The following ZC3HAV1 variants were observed in gnomAD, a reference collection of about 807,000 sequenced individuals.
The protein encoded by ZC3HAV1 is zinc finger CCCH-type containing, antiviral 1.
ZC3HAV1 carries 41 observed loss-of-function variants against 86.6 expected under a neutral mutation model. That is an observed-to-expected ratio of 0.47 (90% CI 0.37 to 0.61). The LOEUF is 0.61. ZC3HAV1 is among the 20% of genes least tolerant of loss of function. The probability of loss-of-function intolerance (pLI) is 0.00; values close to 1 mark genes in which losing one functional copy is unlikely to be tolerated. For synonymous variants in ZC3HAV1, 421 were observed against 432.1 expected (o/e 0.97, Z 0.32); for missense variants, 964 against 1,141.1 (o/e 0.84, Z 2.24).
intron 12 of ZC3HAV1, among the ~76,000 whole-genome samples, chr7:139,048,140 G>C (rs189022776): frequency 3.3e-5 from 5 of 152,144 alleles, no homozygotes; most frequent in Admixed American, 2.0e-4. Flanking sequence ...TGTCACAGTG[G>C]CCCAATTCAT....
At chr7:139,106,631 A>T (rs893456414) in intron 1 of ZC3HAV1, among the ~76,000 whole-genome samples, 14 of 152,152 alleles carry the variant, frequency 9.2e-5, no homozygotes, top group African/African-American at 3.4e-4. Context: ...ATCTTTTTTT[A>T]AAAGGATTAT....
chr7:139,061,921 G>A (rs1291538298), intron 8 of ZC3HAV1, among the ~76,000 whole-genome samples: 5 of 152,120 alleles, frequency 3.3e-5, no homozygotes, highest in African/African-American at 4.8e-5. Context: ...ATGCAACAAC[G>A]CGGTTGAGTC....
intron 7 of ZC3HAV1, among the ~76,000 whole-genome samples, chr7:139,071,662 C>A (rs573663975): frequency 2.1e-4 from 32 of 152,070 alleles, no homozygotes; most frequent in Non-Finnish European, 3.7e-4. Context: ...TTCACACACA[C>A]GGGAGTTTCA....
intron 1 of ZC3HAV1, among the ~76,000 whole-genome samples, chr7:139,094,280 A>G (rs1394238905): frequency 5.3e-5 from 8 of 152,140 alleles, no homozygotes; most frequent in African/African-American, 1.9e-4. Flanking sequence ...TACTTGGAGT[A>G]TAGGCAGCTC....
intron 1 of ZC3HAV1, among the ~76,000 whole-genome samples, chr7:139,093,887 G>T (rs544014403): frequency 5.9e-5 from 9 of 151,690 alleles, no homozygotes; most frequent in Non-Finnish European, 1.3e-4. Flanking sequence ...TCATGTGTAG[G>T]TTTCAGGTGG....
chr7:139,047,437 G>T lies in ZC3HAV1; in HGVS notation c.*157C>A, dbSNP rs1314691772. 2.9e-5 allele frequency: 28 copies of T among 978,108 alleles called. No individual in the cohort carries two copies. The highest frequency in any genetic ancestry group is 3.6e-5 in the Non-Finnish European group (24 of 671,200). 60.6% of individuals were successfully genotyped at this position (978,108 alleles called of 1,614,324 possible). On this transcript the variant is annotated 3_prime_UTR_variant, in exon 13 of 13. Coordinates refer to ENST00000242351, the MANE Select transcript of ZC3HAV1 (RefSeq NM_020119.4). Reference sequence around the variant, plus strand: ...ATCAGAATTTGTTTAAAACCTCCCAGATGATTCTAATATGTAGCAAAATTT... The same window carrying T: ...ATCAGAATTTGTTTAAAACCTCCCATATGATTCTAATATGTAGCAAAATTT...
At chr7:139,095,881 AT>A (rs1164428217) in intron 1 of ZC3HAV1, among the ~76,000 whole-genome samples, 1 of 152,176 alleles carries the variant, frequency 6.6e-6, no homozygotes, top group Non-Finnish European at 1.5e-5. Context: ...GGGCATCAGT[AT>A]TTTTTAAAGA....
chr7:139,055,207 T>C lies in ZC3HAV1; in HGVS notation c.2185A>G (p.Lys729Glu), dbSNP rs1816248419. ...DFCFLSSKKYKLSEIHHLHPE... is the reference protein window; with the variant it reads ...DFCFLSSKKYELSEIHHLHPE... ...ACCAAACATGTAAAACCAAGTACCTTATATTTCTTTGAGGATAGGAAGCAA... is the reference window on the plus strand; with the variant it reads ...ACCAAACATGTAAAACCAAGTACCTCATATTTCTTTGAGGATAGGAAGCAA... Residue 729 changes from lysine (K) to glutamate (E), a missense_variant and splice_region_variant, in exon 10 of 13, where the codon AAG becomes GAG. Physicochemically the swap from Lys to Glu is moderately conservative, Grantham distance 56. Coordinates refer to ENST00000242351, the MANE Select transcript of ZC3HAV1 (RefSeq NM_020119.4). 6.2e-7 allele frequency: 1 copy of C among 1,612,502 alleles called. No homozygotes were observed. The highest frequency in any genetic ancestry group is 8.5e-7 in the Non-Finnish European group (1 of 1,178,998).
chr7:139,092,072 G>A (rs1476734837), intron 1 of ZC3HAV1, among the ~76,000 whole-genome samples: 1 of 152,174 alleles, frequency 6.6e-6, no homozygotes, highest in Non-Finnish European at 1.5e-5. Context: ...AGGCAAAAAA[G>A]TTAAAAGGAT....
intron 3 of ZC3HAV1, among the ~76,000 whole-genome samples, chr7:139,081,452 A>G (rs1817126283): frequency 1.3e-5 from 2 of 152,204 alleles, no homozygotes; most frequent in African/African-American, 2.4e-5. Flanking sequence ...CTCATTCACA[A>G]TAAGTTTACA....
At chr7:139,076,157 A>G (rs564455775) in intron 6 of ZC3HAV1, 129 bp downstream of exon 6, 7 of 1,430,932 alleles carry the variant, frequency 4.9e-6, no homozygotes, top group African/African-American at 4.3e-5. Context: ...TTTTATCTCA[A>G]GAGGTATTTC....
chr7:139,098,919 G>C (rs1817679092), intron 1 of ZC3HAV1, among the ~76,000 whole-genome samples: 1 of 152,092 alleles, frequency 6.6e-6, no homozygotes, highest in Admixed American at 6.6e-5. Flanking sequence ...TACCTGGTTT[G>C]GAAGTAAATA....
intron 9 of ZC3HAV1, among the ~76,000 whole-genome samples, chr7:139,055,597 T>C (rs978457104): frequency 6.6e-6 from 1 of 152,352 alleles, no homozygotes; most frequent in East Asian, 1.9e-4. Context: ...TCCTAATGTG[T>C]TAGCATTAAG....
At chr7:139,090,332 C>A (rs1457010834) in intron 1 of ZC3HAV1, among the ~76,000 whole-genome samples, 1 of 152,170 alleles carries the variant, frequency 6.6e-6, no homozygotes, top group African/African-American at 2.4e-5. Flanking sequence ...TTCTTTGATC[C>A]TCCCTCCTTG....
At chr7:139,097,419 TATATATATA>T (rs1481979182) in intron 1 of ZC3HAV1, among the ~76,000 whole-genome samples, 1 of 83,132 alleles carries the variant, frequency 1.2e-5, no homozygotes, top group African/African-American at 6.0e-5. Flanking sequence ...TATATATATA[TATATATATA>T]TTTTTTTTTT....
chr7:139,079,134 G>A, intron 4 of ZC3HAV1: 1 of 1,536,176 alleles, frequency 6.5e-7, no homozygotes, highest in South Asian at 1.2e-5. Flanking sequence ...TTCCTTGTGA[G>A]CTCGCTGGCA....
chr7:139,099,919 AT>A, intron 1 of ZC3HAV1, among the ~76,000 whole-genome samples: 1 of 151,706 alleles, frequency 6.6e-6, no homozygotes, highest in Non-Finnish European at 1.5e-5. Context: ...AGAACAAAAA[AT>A]AAATAAATAA....
intron 9 of ZC3HAV1, chr7:139,060,751 C>T (rs1166380850): frequency 1.1e-5 from 14 of 1,252,890 alleles, no homozygotes; most frequent in Non-Finnish European, 1.4e-5. Flanking sequence ...TGTACTGCAT[C>T]AATCCAGCTC....
rs140539997 is a variant in ZC3HAV1, at chr7:139,079,791, C to T, written c.1150G>A (p.Ala384Thr). 4.3e-5 allele frequency: 69 copies of T among 1,613,962 alleles called. No individual in the cohort carries two copies. The highest frequency in any genetic ancestry group is 3.2e-4 in the African/African-American group (24 of 74,886). ...KTVFSPTLPA[A>T]RSSLGSLQTP... Reference sequence around the variant, plus strand: ...TGCAGAGAGCCAAGAGAAGAGCGGGCGGCAGGTAGCGTGGGAGAAAACACA... The same window carrying T: ...TGCAGAGAGCCAAGAGAAGAGCGGGTGGCAGGTAGCGTGGGAGAAAACACA... The change falls in exon 4 of 13, where the codon GCC (alanine) becomes ACC (threonine). Residue 384 changes from alanine (A) to threonine (T), a missense_variant. Coordinates refer to ENST00000242351, the MANE Select transcript of ZC3HAV1 (RefSeq NM_020119.4).
Sources: gnomAD v4.1 joint callset for allele counts (sites outside exome capture counted in the v4.1 genomes callset) on GRCh38, gnomAD v4.1.1 for gene constraint, MANE v1.5 for transcripts, NCBI Gene and HGNC (gene_info 2026-07-23, HGNC 2026-07-21) for gene names.